Variants in AQP9 observed in about 807,000 individuals in gnomAD.
The protein encoded by AQP9 is aquaporin-9.
Under a neutral mutation model 23.8 loss-of-function variants are expected in AQP9, and 19 were observed. The ratio of observed to expected loss-of-function variants is 0.80; its 90% CI spans 0.56 to 1.17. The LOEUF (loss-of-function observed/expected upper bound fraction) is 1.17. Among genes scored for constraint, AQP9 ranks in the 50% most tolerant of loss-of-function variants. AQP9 has a pLI of 0.00. For synonymous variants in AQP9, 153 were observed against 131.5 expected (o/e 1.16, Z -1.12); for missense variants, 413 against 362.0 (o/e 1.14, Z -1.14).
chr15:58,166,680 G>T lies in AQP9; in HGVS notation c.119G>T (p.Gly40Val), dbSNP rs553727841. Residue 40 changes from glycine to valine, a missense_variant, in exon 2 of 6, where the codon GGA (glycine) becomes GTA (valine). Physicochemically the swap from Gly to Val is moderately radical, Grantham distance 109. Coordinates refer to ENST00000219919, the MANE Select transcript of AQP9 (RefSeq NM_020980.5). ...GTTTTCCTCTCATTCCAGGTCCTTG[G>T]ATGTGGCTGTGTTGCCCAAGCTATT... ...FLGTFILIVLGCGCVAQAILS... is the reference protein window; with the variant it reads ...FLGTFILIVLVCGCVAQAILS... 4 of 1,609,132 alleles carry T rather than the reference G, an allele frequency of 2.5e-6. No homozygotes were observed. The highest frequency in any genetic ancestry group is 3.4e-6 in the Non-Finnish European group (4 of 1,177,580).
intron 1 of AQP9, among the ~76,000 whole-genome samples, chr15:58,145,479 T>G (rs997368104): frequency 1.1e-4 from 16 of 150,980 alleles, no homozygotes; most frequent in Non-Finnish European, 1.9e-4. Flanking sequence ...AAAATGAGAC[T>G]TTGTGTCCAA....
Position 58,159,700 on chromosome 15 carries a change from C to T in AQP9, c.112-6973C>T, listed in dbSNP as rs1465322589. On this transcript the variant is annotated intron_variant, in intron 1 of 5. Transcript: ENST00000219919. ...GACCTCTAGTAACTACCCATCTACT[C>T]TCTGCCTTCATGAGATCCACTTTTT... 4.6e-5 allele frequency among the ~76,000 whole-genome samples: 7 copies of T among 152,282 alleles called. No individual in the cohort carries two copies. In the South Asian group the frequency reaches 1.2e-3, roughly 27 times the overall value.
intron 1 of AQP9, among the ~76,000 whole-genome samples, chr15:58,154,803 C>G (rs1405450124): frequency 6.6e-6 from 1 of 152,066 alleles, no homozygotes; most frequent in Non-Finnish European, 1.5e-5. Flanking sequence ...ACCCTATCCC[C>G]TCCCCATAAA....
At chr15:58,159,914 G>A (rs1429647981) in intron 1 of AQP9, among the ~76,000 whole-genome samples, 2 of 152,132 alleles carry the variant, frequency 1.3e-5, no homozygotes, top group East Asian at 3.9e-4. Flanking sequence ...CTGGTTTGTG[G>A]GCATTTAGGT....
chr15:58,172,933 A>G (rs1301289439), intron 2 of AQP9, 135 bp from the exon 3 acceptor site: 10 of 1,102,860 alleles, frequency 9.1e-6, no homozygotes, highest in Non-Finnish European at 1.3e-5. Context: ...TTTCACGTGC[A>G]TACACACCCC....
chr15:58,182,409 A>G (rs1898912937), intron 5 of AQP9, among the ~76,000 whole-genome samples: 1 of 152,162 alleles, frequency 6.6e-6, no homozygotes, highest in African/African-American at 2.4e-5. Flanking sequence ...GTGACTTGTG[A>G]ACCTGATACA....
At chr15:58,154,598 A>AGTCC (rs60024242) in intron 1 of AQP9, among the ~76,000 whole-genome samples, 2 of 151,628 alleles carry the variant, frequency 1.3e-5, no homozygotes, top group Non-Finnish European at 2.9e-5. Flanking sequence ...CATCATACTC[A>AGTCC]TTCACCAAAT....
intron 3 of AQP9, among the ~76,000 whole-genome samples, 189 bp downstream of exon 3, chr15:58,173,394 T>A (rs1299967492): frequency 3.3e-5 from 5 of 152,032 alleles, no homozygotes; most frequent in Non-Finnish European, 5.9e-5. Context: ...TTAATGAAAA[T>A]GGTCATATCT....
intron 4 of AQP9, among the ~76,000 whole-genome samples, chr15:58,178,248 C>T (rs116975453): frequency 0.028 from 4,317 of 152,042 alleles, 87 homozygotes; most frequent in Non-Finnish European, 0.04. Flanking sequence ...AACACAAACA[C>T]AAACAAAAAA....
At chr15:58,179,413 G>A in intron 5 of AQP9, 68 bp downstream of exon 5, 6 of 1,426,574 alleles carry the variant, frequency 4.2e-6, no homozygotes, top group Non-Finnish European at 5.7e-6. Flanking sequence ...GCGGGGCTTT[G>A]ACATGGAGAT....
chr15:58,171,388 C>A (rs752214965), intron 2 of AQP9, among the ~76,000 whole-genome samples: 1 of 152,044 alleles, frequency 6.6e-6, no homozygotes, highest in African/African-American at 2.4e-5. Context: ...CACCTGGCCC[C>A]GCACCCCTTT....
intron 3 of AQP9, 140 bp downstream of exon 3, chr15:58,173,345 T>TTTA (rs1272645833): frequency 1.6e-6 from 2 of 1,241,198 alleles, no homozygotes; most frequent in African/African-American, 3.0e-5. Context: ...TTTGAGAAAA[T>TTTA]GAGGCCATAT....
chr15:58,182,201 A>G (rs1898904174), intron 5 of AQP9, among the ~76,000 whole-genome samples: 1 of 152,184 alleles, frequency 6.6e-6, no homozygotes, highest in Non-Finnish European at 1.5e-5. Context: ...TTAATGACTT[A>G]ATCAGTGAAA....
chr15:58,161,185 A>G (rs1898375603), intron 1 of AQP9, among the ~76,000 whole-genome samples: 1 of 152,144 alleles, frequency 6.6e-6, no homozygotes, highest in Non-Finnish European at 1.5e-5. Context: ...GCTCTGCAAG[A>G]TATGGGAATG....
At chr15:58,183,054 A>G (rs528473903) in intron 5 of AQP9, among the ~76,000 whole-genome samples, 3 of 152,348 alleles carry the variant, frequency 2.0e-5, no homozygotes, top group African/African-American at 7.2e-5. Flanking sequence ...TGATGAAAAG[A>G]AAAGCTATGG....
chr15:58,181,889 A>G (rs1186747084), intron 5 of AQP9, among the ~76,000 whole-genome samples: 1 of 152,212 alleles, frequency 6.6e-6, no homozygotes, highest in African/African-American at 2.4e-5. Context: ...TTTGAGGGAC[A>G]ACAGGCTTCC....
intron 1 of AQP9, among the ~76,000 whole-genome samples, chr15:58,160,922 A>T (rs1298030672): frequency 6.6e-6 from 1 of 152,214 alleles, no homozygotes; most frequent in African/African-American, 2.4e-5. Context: ...AATAAGTGTC[A>T]TCAGCTCAAA....
intron 1 of AQP9, among the ~76,000 whole-genome samples, chr15:58,138,984 G>A (rs554641914): frequency 4.6e-5 from 7 of 152,170 alleles, no homozygotes; most frequent in South Asian, 2.1e-4. Context: ...AAAGTCAGTC[G>A]TTAGTGTTTT....
rs113729479 is a variant in AQP9 at position 58,156,555 on chromosome 15, T to C, written c.112-10118T>C. ...AGCGCATTTCAGTCAAGAAACTCCTTGTCAACATGGACATAACCTCGCAGC... is the reference window on the plus strand; with the variant it reads ...AGCGCATTTCAGTCAAGAAACTCCTCGTCAACATGGACATAACCTCGCAGC... On this transcript the variant is annotated intron_variant, in intron 1 of 5. Coordinates refer to ENST00000219919, the MANE Select transcript of AQP9 (RefSeq NM_020980.5). Among the ~76,000 whole-genome samples, 10 of 152,296 alleles carry C rather than the reference T, an allele frequency of 6.6e-5. 2 individuals are homozygous for C. Among genetic ancestry groups the C allele is most frequent in the African/African-American group, 2.4e-4 (10 of 41,574 alleles).
Sources: gnomAD v4.1 joint callset for allele counts (sites outside exome capture counted in the v4.1 genomes callset) on GRCh38, gnomAD v4.1.1 for gene constraint, MANE v1.5 for transcripts, NCBI Gene and HGNC (gene_info 2026-07-23, HGNC 2026-07-21) for gene names.